Variants in FBXL17 observed in about 807,000 individuals in gnomAD.
FBXL17 encodes F-box and leucine rich repeat protein 17.
In FBXL17, 22 loss-of-function variants were observed where a neutral mutation model predicts 66.2. That is an observed-to-expected ratio of 0.33 (90% CI 0.24 to 0.47). The LOEUF (loss-of-function observed/expected upper bound fraction) is 0.47. Among genes scored for constraint, FBXL17 ranks in the 20% least tolerant of loss-of-function variants. FBXL17 has a pLI of 1.00. For synonymous variants in FBXL17, 474 were observed against 400.5 expected (o/e 1.18, Z -2.19); for missense variants, 878 against 948.2 (o/e 0.93, Z 0.97).
intron 3 of FBXL17, among the ~76,000 whole-genome samples, chr5:108,364,188 T>C (rs1023084784): frequency 7.9e-5 from 12 of 151,998 alleles, no homozygotes; most frequent in African/African-American, 2.7e-4. Context: ...GTTGAATAAA[T>C]AATCCACTCC....
chr5:108,254,057 G>A (rs1756473283), intron 4 of FBXL17, among the ~76,000 whole-genome samples: 1 of 152,126 alleles, frequency 6.6e-6, no homozygotes. Context: ...TTTTCACACA[G>A]TATAGGTATT....
intron 4 of FBXL17, among the ~76,000 whole-genome samples, chr5:108,255,034 A>G (rs1756514434): frequency 6.6e-6 from 1 of 152,216 alleles, no homozygotes. Flanking sequence ...CTTGATGGAA[A>G]AGAGCATTAA....
At chr5:108,271,460 C>A (rs1276685237) in intron 4 of FBXL17, among the ~76,000 whole-genome samples, 1 of 152,174 alleles carries the variant, frequency 6.6e-6, no homozygotes, top group South Asian at 2.1e-4. Flanking sequence ...CATAAGCAAT[C>A]TCTTTATTCA....
chr5:107,915,465 G>A (rs1021026308), intron 7 of FBXL17, among the ~76,000 whole-genome samples: 2 of 152,166 alleles, frequency 1.3e-5, no homozygotes, highest in African/African-American at 4.8e-5. Flanking sequence ...TAGGGGACTG[G>A]TTTATTCTTT....
chr5:108,373,420 T>C (rs759863283), intron 1 of FBXL17, among the ~76,000 whole-genome samples: 1 of 147,060 alleles, frequency 6.8e-6, no homozygotes, highest in Non-Finnish European at 1.5e-5. Flanking sequence ...TATTTATTTA[T>C]ATAATGTGAG....
At chr5:108,379,796 T>G (rs994341384) in intron 1 of FBXL17, among the ~76,000 whole-genome samples, 1 of 152,212 alleles carries the variant, frequency 6.6e-6, no homozygotes, top group African/African-American at 2.4e-5. Context: ...AGTTTGTCAC[T>G]AGCATTGACA....
At chr5:107,944,524 T>C (rs967897144) in intron 7 of FBXL17, among the ~76,000 whole-genome samples, 1 of 152,058 alleles carries the variant, frequency 6.6e-6, no homozygotes, top group Non-Finnish European at 1.5e-5. Context: ...AAAAATCAAA[T>C]CTGCCCTTAA....
At chr5:108,067,294 T>C (rs1748152526) in intron 6 of FBXL17, among the ~76,000 whole-genome samples, 1 of 152,214 alleles carries the variant, frequency 6.6e-6, no homozygotes, top group Non-Finnish European at 1.5e-5. Flanking sequence ...TGTTGTTATA[T>C]GTATACTTCT....
intron 4 of FBXL17, among the ~76,000 whole-genome samples, chr5:108,278,686 T>C (rs1280731740): frequency 6.6e-6 from 1 of 152,210 alleles, no homozygotes; most frequent in Non-Finnish European, 1.5e-5. Context: ...AACTGGGGTA[T>C]AAGTGGGACT....
intron 6 of FBXL17, among the ~76,000 whole-genome samples, chr5:108,135,962 T>C (rs1441014036): frequency 6.6e-6 from 1 of 152,118 alleles, no homozygotes; most frequent in Non-Finnish European, 1.5e-5. Context: ...TTATGGGCCA[T>C]GGCAAGTATA....
At chr5:108,115,027 C>A (rs1040478246) in intron 6 of FBXL17, among the ~76,000 whole-genome samples, 8 of 151,934 alleles carry the variant, frequency 5.3e-5, no homozygotes, top group Non-Finnish European at 1.0e-4. Flanking sequence ...GATCATAATC[C>A]CCAAGCAATT....
rs144231314 is a variant in FBXL17 at position 108,321,067 on chromosome 5, T to C, written c.1506+27332A>G. On this transcript the variant is annotated intron_variant, in intron 4 of 8. Coordinates refer to ENST00000542267, the MANE Select transcript of FBXL17 (RefSeq NM_001163315.3). ...CAGCAATCTTCATGTTGCCTAACCA[T>C]AGATGCTTATAAGAAATTATTTTTT... Among the ~76,000 whole-genome samples, 545 of 151,952 alleles carry C rather than the reference T, an allele frequency of 3.6e-3. 7 individuals are homozygous for C. Among genetic ancestry groups the C allele is most frequent in the African/African-American group, 0.012 (519 of 41,530 alleles).
At chr5:108,016,287 T>C (rs572938159) in intron 7 of FBXL17, among the ~76,000 whole-genome samples, 2 of 152,208 alleles carry the variant, frequency 1.3e-5, no homozygotes, top group East Asian at 3.9e-4. Flanking sequence ...AGGAGAGCAG[T>C]CCACGGGTCT....
intron 4 of FBXL17, among the ~76,000 whole-genome samples, chr5:108,230,599 A>G (rs989625320): frequency 6.6e-6 from 1 of 152,128 alleles, no homozygotes; most frequent in Admixed American, 6.6e-5. Flanking sequence ...AAGGGATAAA[A>G]GACTACATAT....
Position 108,061,728 on chromosome 5 carries a change from G to A in FBXL17, c.1746-40727C>T, listed in dbSNP as rs184700281. On this transcript the variant is annotated intron_variant, in intron 6 of 8. Transcript: ENST00000542267. ...TCTACTCTCCACAATTTTGTTACTC[G>A]TCAAGAGAAGTATATAAACTGATAT... Among the ~76,000 whole-genome samples, 45 of 152,128 alleles carry A rather than the reference G, an allele frequency of 3.0e-4. No homozygotes were observed. In the Middle Eastern group the frequency reaches 0.01, roughly 34 times the overall value.
chr5:108,087,427 C>T (rs1749014961), intron 6 of FBXL17, among the ~76,000 whole-genome samples: 1 of 152,088 alleles, frequency 6.6e-6, no homozygotes, highest in African/African-American at 2.4e-5. Context: ...AAACATCCAT[C>T]CATGTCAACC....
intron 5 of FBXL17, among the ~76,000 whole-genome samples, chr5:108,203,898 A>T (rs546805939): frequency 6.6e-6 from 1 of 152,280 alleles, no homozygotes; most frequent in Non-Finnish European, 1.5e-5. Flanking sequence ...GAAAAAATCA[A>T]TTTTGTTTTC....
intron 8 of FBXL17, among the ~76,000 whole-genome samples, chr5:107,871,042 A>G (rs1003482277): frequency 8.4e-5 from 10 of 118,642 alleles, no homozygotes; most frequent in Admixed American, 3.0e-4. Flanking sequence ...GGTAAGAAAT[A>G]TTACTCTTGG....
chr5:108,012,243 A>C (rs1754203628), intron 7 of FBXL17, among the ~76,000 whole-genome samples: 1 of 152,222 alleles, frequency 6.6e-6, no homozygotes, highest in Non-Finnish European at 1.5e-5. Flanking sequence ...AATTTAACTC[A>C]TGAAGAAATA....
Sources: allele counts gnomAD v4.1 joint callset (sites outside exome capture counted in the v4.1 genomes callset), GRCh38; gene constraint gnomAD v4.1.1; transcripts MANE v1.5; gene names NCBI Gene and HGNC (gene_info 2026-07-23, HGNC 2026-07-21).